Variants in UBA7 observed in about 807,000 individuals in gnomAD.
The protein encoded by UBA7 is ubiquitin like modifier activating enzyme 7.
A neutral mutation model predicts 113.0 loss-of-function variants in UBA7; 88 were observed. That is an observed-to-expected ratio of 0.78 (90% CI 0.66 to 0.93). UBA7 has a LOEUF of 0.93. UBA7 is among the 40% of genes least tolerant of loss of function. The pLI, the probability that UBA7 is intolerant of heterozygous loss-of-function variation, is 0.00. For synonymous variants in UBA7, 459 were observed against 513.0 expected (o/e 0.89, Z 1.42); for missense variants, 1,092 against 1,266.4 (o/e 0.86, Z 2.09).
chr3:49,809,947 G>A (rs746504176), intron 14 of UBA7, 31 bp downstream of exon 14: 9 of 1,614,014 alleles, frequency 5.6e-6, no homozygotes, highest in Non-Finnish European at 7.6e-6. Flanking sequence ...GCTGAGCTGG[G>A]TGGGGTGGGA....
At chr3:49,808,604 T>A in intron 18 of UBA7, 136 bp from the exon 19 acceptor site, 1 of 935,756 alleles carries the variant, frequency 1.1e-6, no homozygotes, top group Non-Finnish European at 1.6e-6. Flanking sequence ...CCCCCTTAAT[T>A]AATGCTACAA....
Position 49,813,651 on chromosome 3 carries a change from T to C in UBA7, c.57-4A>G, listed in dbSNP as rs777956265. 1.9e-6 allele frequency: 3 copies of C among 1,614,134 alleles called. No individual in the cohort carries two copies. Among genetic ancestry groups the C allele is most frequent in the Admixed American group, 1.7e-5 (1 of 60,024 alleles). On this transcript the variant is annotated splice_polypyrimidine_tract_variant and splice_region_variant and intron_variant, in intron 1 of 23. Coordinates refer to ENST00000333486, the MANE Select transcript of UBA7 (RefSeq NM_003335.3). ...GGCAGGTGAGCCCAGCACATACCTG[T>C]GGATGGGAAGCAGAAGGCAAGCAGT...
Position 49,808,121 on chromosome 3 carries a change from C to A in UBA7, c.2431-9G>T. On this transcript the variant is annotated splice_polypyrimidine_tract_variant and intron_variant, in intron 19 of 23. Transcript: ENST00000333486. Reference sequence around the variant, plus strand: ...AAGTTGCTGTCATCATCCTGTAAGGCCCAAGTCAAAGTAGTGTTAACACTG... The same window carrying A: ...AAGTTGCTGTCATCATCCTGTAAGGACCAAGTCAAAGTAGTGTTAACACTG... The A allele has an allele frequency of 6.2e-7, 1 of 1,613,528 alleles. No homozygotes were observed. The highest frequency in any genetic ancestry group is 8.5e-7 in the Non-Finnish European group (1 of 1,179,800).
Position 49,813,143 on chromosome 3 carries a change from A to G in UBA7, c.386T>C (p.Leu129Pro). The G allele has an allele frequency of 6.2e-7, 1 of 1,614,190 alleles. No individual in the cohort carries two copies. The highest frequency in any genetic ancestry group is 1.3e-5 in the African/African-American group (1 of 75,062). The change falls in exon 4 of 24, where the codon CTG becomes CCG. Residue 129 changes from leucine to proline, a missense_variant. This residue lies in a region of UBA7 where 584 missense variants were observed against 714.5 expected (regional missense o/e 0.82). Transcript: ENST00000333486. ...FQVVVLTAAK[L>P]EEQLKVGTLC... ...GGTGCCCACCTTCAGCTGCTCCTCC[A>G]GCTTTGCAGCAGTCAGCACCACCAC...
intron 21 of UBA7, among the ~76,000 whole-genome samples, chr3:49,806,986 C>T (rs1322616933): frequency 6.6e-6 from 1 of 152,178 alleles, no homozygotes; most frequent in Non-Finnish European, 1.5e-5. Flanking sequence ...CCTCTCCCCT[C>T]ATGAGGGCAT....
rs1204406159 is a variant in UBA7, at chr3:49,813,877, T to A, written c.-90A>T. The A allele has an allele frequency of 1.0e-5, 15 of 1,485,414 alleles. No homozygotes were observed. The allele number at this position is 1,485,414 out of a possible 1,614,324, so 92.0% of individuals were successfully genotyped here. On this transcript the variant is annotated 5_prime_UTR_variant, in exon 1 of 24. Coordinates refer to ENST00000333486, the MANE Select transcript of UBA7 (RefSeq NM_003335.3). ...GTGACAGTAGGGGCCAGTGCCCTGC[T>A]GTAGCCAGTGCAAACAGGAACCAAG...
intron 19 of UBA7, 100 bp from the exon 20 acceptor site, chr3:49,808,212 G>T (rs2081487487): frequency 1.9e-6 from 3 of 1,539,896 alleles, no homozygotes; most frequent in Non-Finnish European, 2.7e-6. Flanking sequence ...TTCTGTCGGG[G>T]GGTTGCCCCA....
In UBA7 at chr3:49,812,711, G is replaced by T; in HGVS notation, c.495C>A (p.Asp165Glu). 1 of 1,614,242 alleles carries T rather than the reference G, an allele frequency of 6.2e-7. No individual in the cohort carries two copies. ...VGQLFCDFGE[D>E]FTVQDPTEAE... ...CCTCTGTGGGGTCCTGCACAGTGAA[G>T]TCCTCACCAAAGTCACAGAACAACT... Residue 165 changes from aspartate to glutamate, a missense_variant, in exon 5 of 24, where the codon GAC becomes GAA. Coordinates refer to ENST00000333486, the MANE Select transcript of UBA7 (RefSeq NM_003335.3).
In UBA7 at chr3:49,805,941, C is replaced by G; in HGVS notation, c.2865G>C (p.Ala955=). The change falls in exon 23 of 24, where the codon GCG becomes GCC. Residue 955 remains alanine, a synonymous_variant. Coordinates refer to ENST00000333486, the MANE Select transcript of UBA7 (RefSeq NM_003335.3). The stretch of plus-strand genomic sequence containing the variant: ...CCTGCTTTTCAGGTGACCATCCGGC[C>G]GCATAGAGCAGGGCTGAGCCGTGCA... The part of the protein sequence containing the change: ...ILLHGSALLY[A]AGWSPEKQAQ... 1 of 1,563,052 alleles carries G rather than the reference C, an allele frequency of 6.4e-7. No individual in the cohort carries two copies. Among genetic ancestry groups the G allele is most frequent in the East Asian group, 2.4e-5 (1 of 41,764 alleles).
rs78789243 is a variant in UBA7, at chr3:49,805,683, T to A, written c.2909+214A>T. Among the ~76,000 whole-genome samples the A allele has an allele frequency of 8.2e-3, 1,249 of 152,204 alleles. 9 individuals are homozygous for A. Among genetic ancestry groups the A allele is most frequent in the South Asian group, 0.014 (67 of 4,824 alleles). The stretch of plus-strand genomic sequence containing the variant: ...GGCTGTGCAGCATGTGGGGAGCCCA[T>A]GGGGCTGGCCAAATAGGCAGCTCCT... On this transcript the variant is annotated intron_variant, in intron 23 of 23. Coordinates refer to ENST00000333486, the MANE Select transcript of UBA7 (RefSeq NM_003335.3).
rs372779063 is a variant in UBA7, at chr3:49,811,368, C to T, written c.1027G>A (p.Glu343Lys). Residue 343 changes from glutamate (E) to lysine (K), a missense_variant, in exon 9 of 24, where the codon GAG becomes AAG. Coordinates refer to ENST00000333486, the MANE Select transcript of UBA7 (RefSeq NM_003335.3). ...AGGGCGACTGTCCGCACTAGGGCCT[C>T]ATCCAGTGGCTCTTCCAGTGGCTCT... ...EEEPLEEPLD[E>K]ALVRTVALSS... The T allele has an allele frequency of 1.9e-6, 3 of 1,613,974 alleles. No individual in the cohort carries two copies. The highest frequency in any genetic ancestry group is 2.5e-6 in the Non-Finnish European group (3 of 1,179,998).
intron 4 of UBA7, 149 bp downstream of exon 4, chr3:49,812,913 A>C: frequency 8.7e-7 from 1 of 1,155,686 alleles, no homozygotes; most frequent in South Asian, 1.5e-5. Context: ...GAGGAACCAG[A>C]GGGCAGGACT....
At position 49,808,034 on chromosome 3, in the gene UBA7, C is replaced by A; in HGVS notation, c.2509G>T (p.Val837Phe). ...GGTGGGGTTACCTGGGCACGGTTGA[C>A]CGGTGGAATCCCGTAGTTCTGACAT... ...LRCQNYGIPP[V>F]NRAQSKRIVG... The change falls in exon 20 of 24, where the codon GTC (valine) becomes TTC (phenylalanine). Residue 837 changes from valine to phenylalanine, a missense_variant. Val to Phe is a conservative substitution (Grantham distance 50). Coordinates refer to ENST00000333486, the MANE Select transcript of UBA7 (RefSeq NM_003335.3). The A allele has an allele frequency of 6.2e-7, 1 of 1,614,134 alleles. No homozygotes were observed. The highest frequency in any genetic ancestry group is 1.1e-5 in the South Asian group (1 of 91,074).
In UBA7 at chr3:49,806,084, C is replaced by A; in HGVS notation, c.2797G>T (p.Ala933Ser). Residue 933 changes from alanine (A) to serine (S), a missense_variant, in exon 22 of 24, where the codon GCT becomes TCT. Physicochemically the swap from Ala to Ser is moderately conservative, Grantham distance 99. Transcript: ENST00000333486. ...GCAACAGGGCACACCTGAAGATGAG[C>A]CAGCAGCGACTCCAGGGTCCTCTCA... ...QPERTLESLL[A>S]HLQEQHGLRV... 6.3e-7 allele frequency: 1 copy of A among 1,592,878 alleles called. No homozygotes were observed. The highest frequency in any genetic ancestry group is 8.5e-7 in the Non-Finnish European group (1 of 1,170,014).
At chr3:49,809,301 C>T in intron 17 of UBA7, 89 bp downstream of exon 17, 2 of 1,549,346 alleles carry the variant, frequency 1.3e-6, no homozygotes, top group Non-Finnish European at 1.8e-6. Flanking sequence ...CTCTGGGCAT[C>T]TGTGCATCTC....
intron 14 of UBA7, 37 bp downstream of exon 14, chr3:49,809,941 A>T: frequency 6.2e-7 from 1 of 1,613,984 alleles, no homozygotes; most frequent in Non-Finnish European, 8.5e-7. Context: ...CTGAGGGCTG[A>T]GCTGGGTGGG....
chr3:49,808,218 C>T, intron 19 of UBA7, 106 bp from the exon 20 acceptor site: 1 of 1,515,908 alleles, frequency 6.6e-7, no homozygotes. Flanking sequence ...CGGGGGGTTG[C>T]CCCACATCTC....
At chr3:49,812,374 C>T in intron 6 of UBA7, 34 bp downstream of exon 6, 1 of 1,613,174 alleles carries the variant, frequency 6.2e-7, no homozygotes, top group Non-Finnish European at 8.5e-7. Flanking sequence ...GAGGCTTGGG[C>T]CCTGCACCTG....
In UBA7 at chr3:49,811,075, A is replaced by C; in HGVS notation, c.1139T>G (p.Phe380Cys). 6.2e-7 allele frequency: 1 copy of C among 1,614,008 alleles called. No individual in the cohort carries two copies. The highest frequency in any genetic ancestry group is 1.1e-5 in the South Asian group (1 of 91,074). ...QEVLKAISRK[F>C]MPLDQWLYFD... ...GTAAAGCCACTGGTCCAGAGGCATG[A>C]ACTTCCTGGAGATTGCCTAGGGGCA... is the stretch of plus-strand genomic sequence containing the variant. The change falls in exon 10 of 24, where the codon TTC becomes TGC. Residue 380 changes from phenylalanine to cysteine, a missense_variant. Phe to Cys is a radical substitution (Grantham distance 205). Coordinates refer to ENST00000333486, the MANE Select transcript of UBA7 (RefSeq NM_003335.3).
Sources: allele counts gnomAD v4.1 joint callset (sites outside exome capture counted in the v4.1 genomes callset), GRCh38; gene constraint gnomAD v4.1.1; regional missense constraint gnomAD v4.1.1; transcripts MANE v1.5; gene names NCBI Gene and HGNC (gene_info 2026-07-23, HGNC 2026-07-21).